Variants in FBXO30 observed in about 807,000 individuals in gnomAD.
FBXO30 encodes F-box protein 30.
A neutral mutation model predicts 58.1 loss-of-function variants in FBXO30; 21 were observed. That is an observed-to-expected ratio of 0.36 (90% confidence interval 0.26 to 0.52). The LOEUF (loss-of-function observed/expected upper bound fraction) is 0.52. FBXO30 is among the 20% of genes least tolerant of loss of function. FBXO30 has a pLI of 0.93. For synonymous variants in FBXO30, 309 were observed against 312.4 expected (o/e 0.99, Z 0.11); for missense variants, 744 against 897.3 (o/e 0.83, Z 2.18).
At chr6:145,806,832 A>G (rs966815685) in intron 1 of FBXO30, among the ~76,000 whole-genome samples, 4 of 152,186 alleles carry the variant, frequency 2.6e-5, no homozygotes, top group African/African-American at 9.6e-5. Context: ...TGTACCCCAC[A>G]TTTCAGAGAT....
At chr6:145,804,272 G>A (rs1778094984) in intron 2 of FBXO30, 100 bp downstream of exon 2, 3 of 1,051,264 alleles carry the variant, frequency 2.9e-6, no homozygotes, top group Non-Finnish European at 4.1e-6. Flanking sequence ...TAAGTTTTAG[G>A]GAATGGTCAA....
In FBXO30 at chr6:145,799,001, T is replaced by A. The variant is rs1217231262; in HGVS notation, c.*1105A>T. 1 of 151,944 alleles carries A rather than the reference T, an allele frequency of 6.6e-6. No homozygotes were observed. Among genetic ancestry groups the A allele is most frequent in the African/African-American group, 2.4e-5 (1 of 41,380 alleles). 9.4% of individuals were successfully genotyped at this position (151,944 alleles called of 1,614,324 possible). A position where few individuals can be genotyped will look rare whatever the true frequency, so the allele number is the denominator to read the frequency against. ...AATCAATTTGAAAACTATAATAAAC[T>A]ACTTCAAGAATAGGTATATTTTTCC... On this transcript the variant is annotated 3_prime_UTR_variant, in exon 3 of 3. Transcript: ENST00000237281.
At position 145,797,168 on chromosome 6, in the gene FBXO30, G is replaced by A. The variant is rs984516076; in HGVS notation, c.*2938C>T. ...TGTTACTGCTAATGAACTAAAATTT[G>A]CACTGCAATTTACCTTGAACAGAAG... On this transcript the variant is annotated 3_prime_UTR_variant, in exon 3 of 3. Coordinates refer to ENST00000237281, the MANE Select transcript of FBXO30 (RefSeq NM_032145.5). 6.6e-6 allele frequency: 1 copy of A among 151,826 alleles called. No individual in the cohort carries two copies. The highest frequency in any genetic ancestry group is 1.5e-5 in the Non-Finnish European group (1 of 67,890). The allele number at this position is 151,826 out of a possible 1,614,324, so 9.4% of individuals were successfully genotyped here.
In FBXO30 at chr6:145,797,410, G is replaced by A. The variant is rs901608917; in HGVS notation, c.*2696C>T. 2.6e-5 allele frequency: 4 copies of A among 151,992 alleles called. No homozygotes were observed. Among genetic ancestry groups the A allele is most frequent in the Admixed American group, 2.6e-4 (4 of 15,222 alleles). 9.4% of individuals were successfully genotyped at this position (151,992 alleles called of 1,614,324 possible). A position where few individuals can be genotyped will look rare whatever the true frequency, so the allele number is the denominator to read the frequency against. ...CAGGTACACACATATATCCACTCCAGTAATGCACCAGAGGGTAGCTGGCAT... is the reference window on the plus strand; with the variant it reads ...CAGGTACACACATATATCCACTCCAATAATGCACCAGAGGGTAGCTGGCAT... On this transcript the variant is annotated 3_prime_UTR_variant, in exon 3 of 3. Transcript: ENST00000237281.
Position 145,795,222 on chromosome 6 carries a change from G to A in FBXO30, c.*4884C>T, listed in dbSNP as rs893401341. 6.6e-6 allele frequency: 1 copy of A among 151,774 alleles called. No individual in the cohort carries two copies. The highest frequency in any genetic ancestry group is 6.6e-5 in the Admixed American group (1 of 15,236). 9.4% of individuals were successfully genotyped at this position (151,774 alleles called of 1,614,324 possible). Reference sequence around the variant, plus strand: ...ATTTCTAAAAATTTATATTAGAAAAGGGTAGAAATTAAATCTGATGAATTT... The same window carrying A: ...ATTTCTAAAAATTTATATTAGAAAAAGGTAGAAATTAAATCTGATGAATTT... On this transcript the variant is annotated 3_prime_UTR_variant, in exon 3 of 3. Coordinates refer to ENST00000237281, the MANE Select transcript of FBXO30 (RefSeq NM_032145.5).
Position 145,798,111 on chromosome 6 carries a change from A to G in FBXO30, c.*1995T>C, listed in dbSNP as rs1777901422. On this transcript the variant is annotated 3_prime_UTR_variant, in exon 3 of 3. Coordinates refer to ENST00000237281, the MANE Select transcript of FBXO30 (RefSeq NM_032145.5). ...ATAACATGCAGAAAATCCACATTACAGAAACAATATGATTGTGTTGGAATT... is the reference window on the plus strand; with the variant it reads ...ATAACATGCAGAAAATCCACATTACGGAAACAATATGATTGTGTTGGAATT... The G allele has an allele frequency of 6.6e-6, 1 of 152,126 alleles. No individual in the cohort carries two copies. Among genetic ancestry groups the G allele is most frequent in the South Asian group, 2.1e-4 (1 of 4,836 alleles). 9.4% of individuals were successfully genotyped at this position (152,126 alleles called of 1,614,324 possible). A position where few individuals can be genotyped will look rare whatever the true frequency, so the allele number is the denominator to read the frequency against.
rs1777909198 is a variant in FBXO30 at position 145,798,452 on chromosome 6, T to C, written c.*1654A>G. ...TGTGCTATCCTAACCACAGACACAT[T>C]CTTCAGCAAAACTTTAAAAGGCAGA... On this transcript the variant is annotated 3_prime_UTR_variant, in exon 3 of 3. Coordinates refer to ENST00000237281, the MANE Select transcript of FBXO30 (RefSeq NM_032145.5). 1 of 152,492 alleles carries C rather than the reference T, an allele frequency of 6.6e-6. No individual in the cohort carries two copies. The highest frequency in any genetic ancestry group is 6.6e-5 in the Admixed American group (1 of 15,220). 9.4% of individuals were successfully genotyped at this position (152,492 alleles called of 1,614,324 possible).
At chr6:145,807,625 G>T (rs547028651) in intron 1 of FBXO30, among the ~76,000 whole-genome samples, 2 of 152,190 alleles carry the variant, frequency 1.3e-5, no homozygotes, top group Non-Finnish European at 2.9e-5. Flanking sequence ...AACATGAATG[G>T]ATTATAGATG....
At chr6:145,800,339 C>A in intron 2 of FBXO30, 30 bp from the exon 3 acceptor site, 1 of 1,582,502 alleles carries the variant, frequency 6.3e-7, no homozygotes, top group Admixed American at 1.7e-5. Flanking sequence ...TAGATTTAAA[C>A]AAGTCAATGT....
chr6:145,811,703 G>A (rs947599279), intron 1 of FBXO30, among the ~76,000 whole-genome samples: 13 of 152,170 alleles, frequency 8.5e-5, no homozygotes, highest in African/African-American at 2.9e-4. Context: ...CTACAGCTTA[G>A]TATTACAATT....
At position 145,805,904 on chromosome 6, in the gene FBXO30, C is replaced by T; in HGVS notation, c.502G>A (p.Ala168Thr). The part of the protein sequence containing the change: ...VKSSVPEIPH[A>T]NGLVSVDEES... ...TCATCAACAGACACTAAACCATTAG[C>T]ATGTGGTATTTCTGGGACACTTGAT... The change falls in exon 2 of 3, where the codon GCT (alanine) becomes ACT (threonine). Residue 168 changes from alanine (A) to threonine (T), a missense_variant. Ala to Thr is a moderately conservative substitution (Grantham distance 58). Transcript: ENST00000237281. 1 of 1,614,064 alleles carries T rather than the reference C, an allele frequency of 6.2e-7. No individual in the cohort carries two copies. The highest frequency in any genetic ancestry group is 8.5e-7 in the Non-Finnish European group (1 of 1,179,994).
chr6:145,800,573 A>G (rs1777966446), intron 2 of FBXO30, among the ~76,000 whole-genome samples: 1 of 152,130 alleles, frequency 6.6e-6, no homozygotes, highest in Non-Finnish European at 1.5e-5. Flanking sequence ...ATCACACCCA[A>G]TCTGGCTTAC....
rs1209721477 is a variant in FBXO30, at chr6:145,794,458, T to C, written c.*5648A>G. ...CATTTTAAGTGCAAATAAAAATCTT[T>C]AGAATTCATCTCCACTGAATTATTA... On this transcript the variant is annotated 3_prime_UTR_variant, in exon 3 of 3. Transcript: ENST00000237281. The C allele has an allele frequency of 1.3e-5, 2 of 151,962 alleles. No homozygotes were observed. The highest frequency in any genetic ancestry group is 4.8e-5 in the African/African-American group (2 of 41,434). The allele number at this position is 151,962 out of a possible 1,614,324, so 9.4% of individuals were successfully genotyped here. A position where few individuals can be genotyped will look rare whatever the true frequency, so the allele number is the denominator to read the frequency against.
In FBXO30 at chr6:145,806,102, C is replaced by A; in HGVS notation, c.304G>T (p.Ala102Ser). 6.2e-7 allele frequency: 1 copy of A among 1,614,058 alleles called. No individual in the cohort carries two copies. Among genetic ancestry groups the A allele is most frequent in the Admixed American group, 1.7e-5 (1 of 59,984 alleles). ...AGATTTTCATATGATTTCCGGTCTGCATAACTAACTGGCCATCGATTCCAT... is the reference window on the plus strand; with the variant it reads ...AGATTTTCATATGATTTCCGGTCTGAATAACTAACTGGCCATCGATTCCAT... ...MEWNRWPVSY[A>S]DRKSYENLSR... Residue 102 changes from alanine (A) to serine (S), a missense_variant, in exon 2 of 3, where the codon GCA becomes TCA. Physicochemically the swap from Ala to Ser is moderately conservative, Grantham distance 99. Transcript: ENST00000237281.
In FBXO30 at chr6:145,798,407, A is replaced by G. The variant is rs1017727246; in HGVS notation, c.*1699T>C. 6.6e-6 allele frequency: 1 copy of G among 152,452 alleles called. No individual in the cohort carries two copies. The highest frequency in any genetic ancestry group is 1.5e-5 in the Non-Finnish European group (1 of 67,942). 9.4% of individuals were successfully genotyped at this position (152,452 alleles called of 1,614,324 possible). ...ACAATGAATTTTAAAAAGCATAACT[A>G]TAAAACAAAAGTTAATGCTTGTGCT... On this transcript the variant is annotated 3_prime_UTR_variant, in exon 3 of 3. Coordinates refer to ENST00000237281, the MANE Select transcript of FBXO30 (RefSeq NM_032145.5).
In FBXO30 at chr6:145,799,853, T is replaced by C. The variant is rs1583189731; in HGVS notation, c.*253A>G. On this transcript the variant is annotated 3_prime_UTR_variant, in exon 3 of 3. Coordinates refer to ENST00000237281, the MANE Select transcript of FBXO30 (RefSeq NM_032145.5). ...ATATGCACACCACTGAAAATACTAA[T>C]TCTTAAAATTATGTAGCTAAAAATT... The C allele has an allele frequency of 4.0e-6, 1 of 252,230 alleles. No homozygotes were observed. The highest frequency in any genetic ancestry group is 8.5e-5 in the East Asian group (1 of 11,814). 15.6% of individuals were successfully genotyped at this position (252,230 alleles called of 1,614,324 possible).
intron 1 of FBXO30, among the ~76,000 whole-genome samples, 181 bp downstream of exon 1, chr6:145,814,422 G>A (rs1309613112): frequency 2.6e-5 from 4 of 152,036 alleles, no homozygotes; most frequent in African/African-American, 9.7e-5. Flanking sequence ...CGGCCGACCC[G>A]GGACGCGCAT....
chr6:145,805,463 C>T lies in FBXO30; in HGVS notation c.943G>A (p.Gly315Arg), dbSNP rs1350491433. 1.2e-6 allele frequency: 2 copies of T among 1,610,224 alleles called. No homozygotes were observed. The highest frequency in any genetic ancestry group is 4.5e-5 in the East Asian group (2 of 44,810). The change falls in exon 2 of 3, where the codon GGA (glycine) becomes AGA (arginine). Residue 315 changes from glycine (G) to arginine (R), a missense_variant. This residue lies in a region of FBXO30 where 275 missense variants were observed against 262.0 expected (regional missense o/e 1.05). Transcript: ENST00000237281. ...GDSKQSNLTN[G>R]DCVASSDGTS... is the part of the protein sequence containing the mutation. ...CCATCTGATGATGCCACACAGTCTCCATTTGTTAAGTTACTTTGTTTTGAA... is the reference window on the plus strand; with the variant it reads ...CCATCTGATGATGCCACACAGTCTCTATTTGTTAAGTTACTTTGTTTTGAA...
In FBXO30 at chr6:145,805,443, T is replaced by G. The variant is rs1189489831; in HGVS notation, c.963A>C (p.Ser321=). The G allele has an allele frequency of 6.2e-7, 1 of 1,613,412 alleles. No individual in the cohort carries two copies. The highest frequency in any genetic ancestry group is 2.2e-5 in the East Asian group (1 of 44,862). ...AGCTGGAAGGTTTTGAAGTGCCATC[T>G]GATGATGCCACACAGTCTCCATTTG... is the stretch of plus-strand genomic sequence containing the variant. ...NLTNGDCVAS[S]DGTSKPSSSL... Residue 321 remains serine (S), a synonymous_variant, in exon 2 of 3, where the codon TCA becomes TCC. Coordinates refer to ENST00000237281, the MANE Select transcript of FBXO30 (RefSeq NM_032145.5).
Sources: allele counts gnomAD v4.1 joint callset (sites outside exome capture counted in the v4.1 genomes callset), GRCh38; gene constraint gnomAD v4.1.1; regional missense constraint gnomAD v4.1.1; transcripts MANE v1.5; gene names NCBI Gene and HGNC (gene_info 2026-07-23, HGNC 2026-07-21).